TARS3: variants seen among roughly 807,000 people sequenced by gnomAD.
The protein encoded by TARS3 is threonine--tRNA ligase 2, cytoplasmic.
Under a neutral mutation model 103.5 loss-of-function variants are expected in TARS3, and 94 were observed. The observed-to-expected ratio is 0.91, with a 90% CI of 0.77 to 1.08. The LOEUF is 1.08. Ranked by LOEUF, TARS3 falls within the 50% of genes least tolerant of loss-of-function variation. The probability of loss-of-function intolerance (pLI) is 0.00; values close to 1 mark genes in which losing one functional copy is unlikely to be tolerated. For synonymous variants in TARS3, 416 were observed against 355.4 expected, an observed-to-expected ratio of 1.17 and a Z score of -1.92; for missense variants, 952 against 995.2, an observed-to-expected ratio of 0.96 and a Z score of 0.58.
At chr15:101,663,087 T>C (rs1472730235) in intron 15 of TARS3, among the ~76,000 whole-genome samples, 1 of 152,240 alleles carries the variant, frequency 6.6e-6, no homozygotes, top group Non-Finnish European at 1.5e-5. Flanking sequence ...TTATAGCGTA[T>C]GCTTATAAAT....
At chr15:101,684,820 T>A (rs1344720281) in intron 11 of TARS3, among the ~76,000 whole-genome samples, 1 of 152,174 alleles carries the variant, frequency 6.6e-6, no homozygotes, top group East Asian at 1.9e-4. Flanking sequence ...TCCCATTGCC[T>A]CTAAGCCACC....
intron 1 of TARS3, 70 bp from the exon 2 acceptor site, chr15:101,723,234 TGCC>T: frequency 6.9e-7 from 1 of 1,443,864 alleles, no homozygotes; most frequent in Non-Finnish European, 9.7e-7. Flanking sequence ...AAGAGAGTCA[TGCC>T]AGCAGGCTGC....
Position 101,671,858 on chromosome 15 carries a change from T to C in TARS3, c.1789-110A>G. 6 of 858,360 alleles carry C rather than the reference T, an allele frequency of 7.0e-6. 1 individual carries two copies. The South Asian group carries it at 1.0e-4, about 15-fold the overall frequency. 53.2% of individuals were successfully genotyped at this position (858,360 alleles called of 1,614,324 possible). ...CATTACAGTCTATGTTAGTTCAACA[T>C]ATATTTATTGAGCATCTTTTACATT... On this transcript the variant is annotated intron_variant, in intron 13 of 18. Transcript: ENST00000335968.
intron 7 of TARS3, 147 bp downstream of exon 7, chr15:101,705,536 T>G (rs1463240604): frequency 7.4e-6 from 5 of 677,410 alleles, no homozygotes; most frequent in Non-Finnish European, 5.1e-6. Flanking sequence ...TTCTCTTTAG[T>G]GAAAACATTT....
At chr15:101,712,341 G>C (rs1417109417) in intron 4 of TARS3, among the ~76,000 whole-genome samples, 1 of 152,158 alleles carries the variant, frequency 6.6e-6, no homozygotes, top group Non-Finnish European at 1.5e-5. Flanking sequence ...GTGCAAACCT[G>C]ATTGAAGCCC....
intron 12 of TARS3, among the ~76,000 whole-genome samples, chr15:101,678,309 C>A (rs963433714): frequency 2.0e-5 from 3 of 152,180 alleles, no homozygotes; most frequent in Non-Finnish European, 4.4e-5. Flanking sequence ...CTATGTCAAT[C>A]TCTTTTAATT....
At chr15:101,708,938 C>T (rs1899717470) in intron 5 of TARS3, 28 bp from the exon 6 acceptor site, 1 of 1,426,590 alleles carries the variant, frequency 7.0e-7, no homozygotes, top group African/African-American at 1.5e-5. Flanking sequence ...GAACCGACAT[C>T]CATCTTCCAG....
intron 5 of TARS3, 30 bp from the exon 6 acceptor site, chr15:101,708,940 A>G (rs745883533): frequency 8.5e-6 from 12 of 1,407,254 alleles, no homozygotes; most frequent in Non-Finnish European, 1.2e-5. Context: ...ACCGACATCC[A>G]TCTTCCAGAC....
At chr15:101,666,589 T>G (rs1391595037) in intron 15 of TARS3, among the ~76,000 whole-genome samples, 1 of 151,786 alleles carries the variant, frequency 6.6e-6, no homozygotes, top group Non-Finnish European at 1.5e-5. Flanking sequence ...TTTTAAAATA[T>G]TAAAACTAAA....
Position 101,654,236 on chromosome 15 carries a change from C to A in TARS3, c.*346G>T. The stretch of plus-strand genomic sequence containing the variant: ...GATTTTCCCTCCTATTTAAAAAAAA[C>A]TCTGCAGACTTTTATTTGAAGCCCA... On this transcript the variant is annotated 3_prime_UTR_variant, in exon 19 of 19. Coordinates refer to ENST00000335968, the MANE Select transcript of TARS3 (RefSeq NM_152334.3). 1 of 186,210 alleles carries A rather than the reference C, an allele frequency of 5.4e-6. No individual in the cohort carries two copies. The highest frequency in any genetic ancestry group is 1.1e-5 in the Non-Finnish European group (1 of 91,826). 11.5% of individuals were successfully genotyped at this position (186,210 alleles called of 1,614,324 possible). A position where few individuals can be genotyped will look rare whatever the true frequency, so the allele number is the denominator to read the frequency against.
chr15:101,718,888 A>G (rs1267609462), intron 3 of TARS3, among the ~76,000 whole-genome samples: 1 of 152,226 alleles, frequency 6.6e-6, no homozygotes, highest in Non-Finnish European at 1.5e-5. Flanking sequence ...CAGCTCACAA[A>G]TATCTGTGAC....
chr15:101,709,264 G>A (rs577189740), intron 5 of TARS3, among the ~76,000 whole-genome samples: 2 of 152,176 alleles, frequency 1.3e-5, no homozygotes, highest in East Asian at 1.9e-4. Flanking sequence ...TGCTCATCAC[G>A]TCCCTGCCCT....
chr15:101,671,635 T>G (rs768758614), intron 14 of TARS3, 36 bp downstream of exon 14: 1 of 1,612,008 alleles, frequency 6.2e-7, no homozygotes, highest in South Asian at 1.1e-5. Context: ...ATTTTTCTTT[T>G]ACATTTTGCT....
At chr15:101,713,395 G>T (rs1490045078) in intron 4 of TARS3, among the ~76,000 whole-genome samples, 1 of 152,176 alleles carries the variant, frequency 6.6e-6, no homozygotes, top group Non-Finnish European at 1.5e-5. Flanking sequence ...GCATTAAAGG[G>T]TTTTAAGCAA....
Position 101,684,130 on chromosome 15 carries a change from G to C in TARS3, c.1595C>G (p.Thr532Ser). Residue 532 changes from threonine (T) to serine (S), a missense_variant, in exon 12 of 19, where the codon ACC becomes AGC. Thr to Ser is a moderately conservative substitution (Grantham distance 58). Coordinates refer to ENST00000335968, the MANE Select transcript of TARS3 (RefSeq NM_152334.3). ...GTCCTGCTGGAAGCGCCTCACTCTGGTCAAGCCGCTGAGAGTCCCCGACAG... is the reference window on the plus strand; with the variant it reads ...GTCCTGCTGGAAGCGCCTCACTCTGCTCAAGCCGCTGAGAGTCCCCGACAG... ...NELSGTLSGL[T>S]RVRRFQQDDA... The C allele has an allele frequency of 3.1e-6, 5 of 1,613,932 alleles. No homozygotes were observed. Among genetic ancestry groups the C allele is most frequent in the Non-Finnish European group, 4.2e-6 (5 of 1,179,930 alleles).
rs1281634810 is a variant in TARS3 at position 101,661,985 on chromosome 15, TTTTTC to T, written c.1968-174_1968-170del. 2.6e-4 allele frequency among the ~76,000 whole-genome samples: 39 copies of T among 152,306 alleles called. No individual in the cohort carries two copies. The East Asian group carries it at 2.7e-3, about 11-fold the overall frequency. On this transcript the variant is annotated intron_variant, in intron 15 of 18. Transcript: ENST00000335968. ...TTCTCATTGCTTTCTTTGCTAATCT[TTTTTC>T]TTTTATTTTAAAAACTTTTTATTAG...
At chr15:101,675,180 C>T (rs561206917) in intron 13 of TARS3, among the ~76,000 whole-genome samples, 150 of 152,214 alleles carry the variant, frequency 9.9e-4, no homozygotes, top group African/African-American at 3.3e-3. Context: ...GGGCAGGGCA[C>T]GACAGGACGT....
intron 15 of TARS3, among the ~76,000 whole-genome samples, chr15:101,667,639 T>G (rs965527022): frequency 1.3e-5 from 2 of 152,146 alleles, no homozygotes; most frequent in African/African-American, 4.8e-5. Flanking sequence ...GGCGTGGTCT[T>G]GGCTCCCTGC....
chr15:101,701,441 C>T (rs1012309868), intron 9 of TARS3, among the ~76,000 whole-genome samples: 6 of 152,308 alleles, frequency 3.9e-5, no homozygotes, highest in Admixed American at 3.3e-4. Flanking sequence ...ACTTGGAGTA[C>T]GGCACTCATG....
Sources: gnomAD v4.1 joint callset for allele counts (sites outside exome capture counted in the v4.1 genomes callset) on GRCh38, gnomAD v4.1.1 for gene constraint, MANE v1.5 for transcripts, NCBI Gene and HGNC (gene_info 2026-07-23, HGNC 2026-07-21) for gene names.